ZNF804B: variants seen among roughly 807,000 people sequenced by gnomAD.
ZNF804B encodes zinc finger 804B.
Under a neutral mutation model 101.4 loss-of-function variants are expected in ZNF804B, and 80 were observed. The observed-to-expected ratio is 0.79, with a 90% CI of 0.66 to 0.95. The LOEUF is 0.95. Among genes scored for constraint, ZNF804B ranks in the 40% least tolerant of loss-of-function variants. The pLI is 0.00. For missense variants in ZNF804B, 1,673 were observed against 1,561.9 expected (o/e 1.07, Z -1.20); for synonymous variants, 622 against 558.8 (o/e 1.11, Z -1.59).
At chr7:89,168,682 CTTTTTTTTTTT>C (rs372503661) in intron 1 of ZNF804B, among the ~76,000 whole-genome samples, 30 of 115,758 alleles carry the variant, frequency 2.6e-4, no homozygotes, top group South Asian at 3.0e-4. Flanking sequence ...GAGCTGAATA[CTTTTTTTTTTT>C]TTTTTTTTTT....
At chr7:88,797,810 C>G (rs1333592880) in intron 1 of ZNF804B, among the ~76,000 whole-genome samples, 1 of 152,086 alleles carries the variant, frequency 6.6e-6, no homozygotes, top group Non-Finnish European at 1.5e-5. Flanking sequence ...TTTCTGTTGA[C>G]TTCATTTACA....
chr7:88,957,022 T>G (rs1378114596), intron 1 of ZNF804B, among the ~76,000 whole-genome samples: 3 of 151,422 alleles, frequency 2.0e-5, no homozygotes, highest in African/African-American at 7.3e-5. Flanking sequence ...ATGAAAAAAT[T>G]TTTTGATACA....
At chr7:89,250,649 A>G (rs935877884) in intron 2 of ZNF804B, among the ~76,000 whole-genome samples, 6 of 152,124 alleles carry the variant, frequency 3.9e-5, no homozygotes, top group Non-Finnish European at 5.9e-5. Context: ...AAACAAAACT[A>G]CAGACCAATA....
intron 1 of ZNF804B, among the ~76,000 whole-genome samples, chr7:88,934,991 C>T (rs373473094): frequency 4.6e-5 from 7 of 151,564 alleles, no homozygotes; most frequent in African/African-American, 1.7e-4. Flanking sequence ...ACCCATCAAA[C>T]AGAGTGGGTA....
At chr7:89,188,899 C>G (rs1187329749) in intron 1 of ZNF804B, among the ~76,000 whole-genome samples, 1 of 152,108 alleles carries the variant, frequency 6.6e-6, no homozygotes, top group African/African-American at 2.4e-5. Context: ...ATTAAAGTTA[C>G]AAGGTGATGA....
At chr7:89,068,260 G>A (rs774221410) in intron 1 of ZNF804B, among the ~76,000 whole-genome samples, 8 of 151,228 alleles carry the variant, frequency 5.3e-5, no homozygotes, top group African/African-American at 1.2e-4. Context: ...ATATATTCCC[G>A]TTTTGTTACT....
chr7:89,257,815 C>T (rs952972995), intron 2 of ZNF804B, among the ~76,000 whole-genome samples: 4 of 152,062 alleles, frequency 2.6e-5, no homozygotes, highest in Admixed American at 6.6e-5. Flanking sequence ...TCTTGTGTTC[C>T]TATGTACTCT....
chr7:88,899,876 T>C (rs902532567), intron 1 of ZNF804B, among the ~76,000 whole-genome samples: 2 of 152,188 alleles, frequency 1.3e-5, no homozygotes, highest in African/African-American at 2.4e-5. Context: ...CCTTTCTTTC[T>C]ACATTGGTAG....
intron 2 of ZNF804B, among the ~76,000 whole-genome samples, chr7:89,293,768 G>A (rs1431875427): frequency 6.6e-6 from 1 of 150,824 alleles, no homozygotes; most frequent in South Asian, 2.1e-4. Flanking sequence ...CAGCCTGGGC[G>A]ACAGAGTGAG....
At chr7:88,968,851 GTTAGAT>G (rs1455793761) in intron 1 of ZNF804B, among the ~76,000 whole-genome samples, 1 of 151,466 alleles carries the variant, frequency 6.6e-6, no homozygotes. Context: ...TATTACATAG[GTTAGAT>G]TTATTTTTGA....
intron 1 of ZNF804B, among the ~76,000 whole-genome samples, chr7:88,880,146 T>C (rs900434469): frequency 6.6e-6 from 1 of 152,150 alleles, no homozygotes; most frequent in Admixed American, 6.5e-5. Flanking sequence ...GCAACTGATA[T>C]GAAAGATAAT....
At chr7:89,226,632 T>C (rs1490681980) in intron 2 of ZNF804B, among the ~76,000 whole-genome samples, 1 of 152,090 alleles carries the variant, frequency 6.6e-6, no homozygotes, top group Non-Finnish European at 1.5e-5. Context: ...GGTTATGCTA[T>C]ACATAATAGT....
At chr7:89,152,524 CAT>C (rs1435040955) in intron 1 of ZNF804B, among the ~76,000 whole-genome samples, 2 of 151,856 alleles carry the variant, frequency 1.3e-5, no homozygotes, top group Non-Finnish European at 2.9e-5. Context: ...TCTATCTGAA[CAT>C]ATGCAGAAAG....
chr7:89,046,093 C>T (rs547642299), intron 1 of ZNF804B, among the ~76,000 whole-genome samples: 4 of 152,046 alleles, frequency 2.6e-5, no homozygotes, highest in East Asian at 1.9e-4. Context: ...TGAGTTCTCC[C>T]GAGATCTGAT....
intron 1 of ZNF804B, among the ~76,000 whole-genome samples, chr7:88,886,910 G>A: frequency 8.4e-6 from 1 of 119,022 alleles, no homozygotes; most frequent in Non-Finnish European, 1.6e-5. Flanking sequence ...AGGAAAAATA[G>A]ACTATTCAAG....
intron 1 of ZNF804B, among the ~76,000 whole-genome samples, chr7:89,162,457 A>G (rs1013048747): frequency 1.2e-4 from 18 of 152,134 alleles, no homozygotes; most frequent in Non-Finnish European, 2.5e-4. Flanking sequence ...TTGTTGATTC[A>G]ATGCAATGTA....
intron 1 of ZNF804B, among the ~76,000 whole-genome samples, chr7:89,101,831 T>C (rs969892258): frequency 6.6e-6 from 1 of 151,898 alleles, no homozygotes; most frequent in South Asian, 2.1e-4. Flanking sequence ...TTATACCCAA[T>C]AGGTAATTTT....
intron 1 of ZNF804B, among the ~76,000 whole-genome samples, chr7:89,124,088 G>A (rs952313441): frequency 9.2e-5 from 14 of 152,118 alleles, no homozygotes; most frequent in Admixed American, 9.2e-4. Context: ...AAGTTACCAG[G>A]AGGATATGTC....
chr7:89,190,350 A>C (rs868136420), intron 1 of ZNF804B, among the ~76,000 whole-genome samples: 1 of 151,206 alleles, frequency 6.6e-6, no homozygotes, highest in East Asian at 1.9e-4. Context: ...AAAAAAAAAA[A>C]GCAAGAAAAC....
Sources: gnomAD v4.1 joint callset for allele counts (sites outside exome capture counted in the v4.1 genomes callset) on GRCh38, gnomAD v4.1.1 for gene constraint, MANE v1.5 for transcripts, NCBI Gene and HGNC (gene_info 2026-07-23, HGNC 2026-07-21) for gene names.